Variants in DLGAP2 observed in about 807,000 individuals in gnomAD.
The protein encoded by DLGAP2 is disks large-associated protein 2.
Under a neutral mutation model 100.3 loss-of-function variants are expected in DLGAP2, and 26 were observed. The observed-to-expected ratio is 0.26, with a 90% CI of 0.19 to 0.36. The LOEUF is 0.36. DLGAP2 is among the 10% of genes least tolerant of loss of function. The pLI, the probability that DLGAP2 is intolerant of heterozygous loss-of-function variation, is 1.00. For synonymous variants in DLGAP2, 886 were observed against 630.1 expected (o/e 1.41, Z -6.08); for missense variants, 1,858 against 1,453.2 (o/e 1.28, Z -4.53).
intron 2 of DLGAP2, among the ~76,000 whole-genome samples, chr8:983,114 G>A (rs112307488): frequency 6.6e-6 from 1 of 152,168 alleles, no homozygotes; most frequent in African/African-American, 2.4e-5. Flanking sequence ...CGGACTAGCC[G>A]GCCTTGGTCC....
At chr8:969,568 ATAAT>A (rs1799964532) in intron 2 of DLGAP2, among the ~76,000 whole-genome samples, 1 of 152,146 alleles carries the variant, frequency 6.6e-6, no homozygotes, top group Non-Finnish European at 1.5e-5. Context: ...ATAAACTTAA[ATAAT>A]TATATTACCA....
chr8:1,520,581 C>G (rs1800560304), intron 4 of DLGAP2, among the ~76,000 whole-genome samples: 1 of 152,104 alleles, frequency 6.6e-6, no homozygotes, highest in South Asian at 2.1e-4. Context: ...GCGTGCTCCC[C>G]CTATTCATCC....
At chr8:1,245,056 C>T (rs1314073389) in intron 2 of DLGAP2, among the ~76,000 whole-genome samples, 4 of 152,158 alleles carry the variant, frequency 2.6e-5, no homozygotes, top group African/African-American at 4.8e-5. Context: ...CCATTGCCCA[C>T]GTGTTAGGAT....
At chr8:1,278,995 T>C (rs1264579580) in intron 3 of DLGAP2, among the ~76,000 whole-genome samples, 1 of 152,134 alleles carries the variant, frequency 6.6e-6, no homozygotes, top group East Asian at 1.9e-4. Context: ...AAAGAACATA[T>C]AGAAAATATA....
At chr8:1,514,102 C>T (rs2404618) in intron 4 of DLGAP2, among the ~76,000 whole-genome samples, 68,769 of 152,088 alleles carry the variant, frequency 0.45, 15,970 homozygotes, top group South Asian at 0.69. Flanking sequence ...CATTGGGTGG[C>T]GTCTTGTGGC....
chr8:816,517 A>C (rs1200939465), intron 1 of DLGAP2, among the ~76,000 whole-genome samples: 1 of 152,046 alleles, frequency 6.6e-6, no homozygotes, highest in Admixed American at 6.6e-5. Context: ...CTTGGCTGGT[A>C]ATTGTTTTGT....
intron 2 of DLGAP2, chr8:910,595 C>G (rs1270798155): frequency 1.3e-5 from 2 of 152,192 alleles, no homozygotes; most frequent in Non-Finnish European, 2.9e-5. Context: ...GTCTTTATTT[C>G]TAAGCATTCT....
intron 2 of DLGAP2, among the ~76,000 whole-genome samples, chr8:908,676 G>T (rs992559723): frequency 1.3e-5 from 2 of 152,170 alleles, no homozygotes; most frequent in Non-Finnish European, 2.9e-5. Flanking sequence ...TTTTCCTCCT[G>T]CAAGATTTCT....
chr8:847,103 G>A (rs1247626640), intron 1 of DLGAP2, among the ~76,000 whole-genome samples: 1 of 152,148 alleles, frequency 6.6e-6, no homozygotes, highest in Admixed American at 6.5e-5. Flanking sequence ...AAAAACACAT[G>A]GGCCTGGGTG....
intron 2 of DLGAP2, among the ~76,000 whole-genome samples, chr8:920,838 C>T (rs1388749088): frequency 6.6e-6 from 1 of 152,138 alleles, no homozygotes; most frequent in African/African-American, 2.4e-5. Context: ...TTTTCAGATA[C>T]ACTTTGCCCG....
chr8:1,639,433 C>T (rs946259659), intron 8 of DLGAP2, among the ~76,000 whole-genome samples: 1 of 152,094 alleles, frequency 6.6e-6, no homozygotes, highest in Non-Finnish European at 1.5e-5. Flanking sequence ...ATTGTGCAGC[C>T]CCTCTATGCG....
At chr8:993,948 G>A (rs1433982430) in intron 2 of DLGAP2, among the ~76,000 whole-genome samples, 1 of 151,948 alleles carries the variant, frequency 6.6e-6, no homozygotes, top group African/African-American at 2.4e-5. Context: ...TCCCTTTTTG[G>A]TTTGTAATTG....
At chr8:1,503,311 C>G (rs537805935) in intron 4 of DLGAP2, among the ~76,000 whole-genome samples, 1 of 151,490 alleles carries the variant, frequency 6.6e-6, no homozygotes, top group African/African-American at 2.5e-5. Flanking sequence ...GCCCTGGAAC[C>G]CCCATTCTGC....
chr8:990,331 CGG>C (rs1563131785), intron 2 of DLGAP2, among the ~76,000 whole-genome samples: 6 of 145,418 alleles, frequency 4.1e-5, no homozygotes, highest in Non-Finnish European at 7.6e-5. Context: ...CCCCCATACT[CGG>C]AGTTCCTGTT....
At chr8:1,105,182 C>T (rs962200771) in intron 2 of DLGAP2, 1 of 152,228 alleles carries the variant, frequency 6.6e-6, no homozygotes, top group Admixed American at 6.5e-5. Context: ...CATTGATTTA[C>T]CTTCTTAACG....
At chr8:962,269 A>G (rs1174310798) in intron 2 of DLGAP2, among the ~76,000 whole-genome samples, 1 of 152,356 alleles carries the variant, frequency 6.6e-6, no homozygotes, top group Middle Eastern at 3.4e-3. Flanking sequence ...CTAAAAACAG[A>G]TGGCGAAGTA....
chr8:1,422,714 A>G (rs1797130502), intron 3 of DLGAP2, among the ~76,000 whole-genome samples: 1 of 152,076 alleles, frequency 6.6e-6, no homozygotes, highest in South Asian at 2.1e-4. Context: ...TTAAGTGCTC[A>G]GGGAACTCAA....
chr8:762,780 G>C (rs1821118847), intron 1 of DLGAP2, among the ~76,000 whole-genome samples: 1 of 152,052 alleles, frequency 6.6e-6, no homozygotes, highest in Non-Finnish European at 1.5e-5. Flanking sequence ...CTGGGCTGCA[G>C]TGATCCTCCC....
At chr8:1,440,208 G>C (rs971768512) in intron 3 of DLGAP2, among the ~76,000 whole-genome samples, 2 of 152,158 alleles carry the variant, frequency 1.3e-5, no homozygotes, top group African/African-American at 2.4e-5. Flanking sequence ...ATATAAAACA[G>C]ACATAGCCCT....
Sources: gnomAD v4.1 joint callset for allele counts (sites outside exome capture counted in the v4.1 genomes callset) on GRCh38, gnomAD v4.1.1 for gene constraint, MANE v1.5 for transcripts, NCBI Gene and HGNC (gene_info 2026-07-23, HGNC 2026-07-21) for gene names.